Variants in ZNF619 observed in about 807,000 individuals in gnomAD.
ZNF619 encodes the protein zinc finger protein 619.
Under a neutral mutation model 14.2 loss-of-function variants are expected in ZNF619, and 9 were observed. The ratio of observed to expected loss-of-function variants is 0.64; its 90% confidence interval spans 0.38 to 1.11. The LOEUF is 1.11. Ranked by LOEUF, ZNF619 falls within the 50% of genes least tolerant of loss-of-function variation. ZNF619 has a pLI of 0.01. For missense variants in ZNF619, 659 were observed against 680.1 expected (o/e 0.97, Z 0.34); for synonymous variants, 246 against 252.8 (o/e 0.97, Z 0.26).
intron 4 of ZNF619, chr3:40,483,595 A>G (rs1167479699): frequency 1.1e-5 from 5 of 443,148 alleles, no homozygotes; most frequent in Middle Eastern, 7.1e-4. Flanking sequence ...CTGGCCAAGC[A>G]CTTGGTTTTT....
chr3:40,486,761 C>T (rs767213666), intron 4 of ZNF619, 45 bp from the exon 5 acceptor site: 53 of 1,456,668 alleles, frequency 3.6e-5, no homozygotes, highest in Non-Finnish European at 8.4e-6. Flanking sequence ...CTTTTCCCTT[C>T]TGGAATAAAT....
rs755511035 is a variant in ZNF619, at chr3:40,487,625, A to T, written c.1115A>T (p.Tyr372Phe). 17 of 1,614,074 alleles carry T rather than the reference A, an allele frequency of 1.1e-5. No individual in the cohort carries two copies. In the East Asian group the frequency reaches 3.6e-4, roughly 34 times the overall value. Reference protein sequence around the residue: ...HQRIHTGEKPYECKECGKAFH... With the variant: ...HQRIHTGEKPFECKECGKAFH... ...AGAATCCACACTGGGGAGAAACCTTATGAATGTAAAGAGTGTGGCAAGGCC... is the reference window on the plus strand; with the variant it reads ...AGAATCCACACTGGGGAGAAACCTTTTGAATGTAAAGAGTGTGGCAAGGCC... Residue 372 changes from tyrosine to phenylalanine, a missense_variant, in exon 5 of 5, where the codon TAT becomes TTT. Transcript: ENST00000432264.
chr3:40,480,525 G>T (rs1697351506), intron 2 of ZNF619, among the ~76,000 whole-genome samples: 1 of 147,392 alleles, frequency 6.8e-6, no homozygotes, highest in African/African-American at 2.5e-5. Context: ...TTGAGACGGA[G>T]TCTTGCTCTG....
At chr3:40,481,795 A>G in intron 2 of ZNF619, 68 bp from the exon 3 acceptor site, 2 of 1,542,434 alleles carry the variant, frequency 1.3e-6, no homozygotes, top group South Asian at 1.3e-5. Flanking sequence ...CATGGGGCTC[A>G]GTGCCATGGA....
rs149597093 is a variant in ZNF619 at position 40,482,278 on chromosome 3, T to C, written c.178+262T>C. The C allele has an allele frequency of 2.6e-6, 4 of 1,551,908 alleles. No individual in the cohort carries two copies. The African/African-American group carries it at 5.5e-5, about 21-fold the overall frequency. On this transcript the variant is annotated intron_variant, in intron 3 of 4. Coordinates refer to ENST00000432264, the MANE Select transcript of ZNF619 (RefSeq NM_001145093.4). ...CTGGATACAGAGAGAACTGAGAAGGTTCCTGGTGCACTGTCTTCATTCCTT... is the reference window on the plus strand; with the variant it reads ...CTGGATACAGAGAGAACTGAGAAGGCTCCTGGTGCACTGTCTTCATTCCTT...
In ZNF619 at chr3:40,488,219, A is replaced by T; in HGVS notation, c.1709A>T (p.Asn570Ile). 6.3e-7 allele frequency: 1 copy of T among 1,585,812 alleles called. No individual in the cohort carries two copies. Among genetic ancestry groups the T allele is most frequent in the Non-Finnish European group, 8.6e-7 (1 of 1,159,680 alleles). ...GGGAAGTCATCCCTTCAGAGCCCGA[A>T]TCCTTTGTCTCACTCCCTGTAAGCC... ...FPGKSSLQSP[N>I]PLSHSL Residue 570 changes from asparagine to isoleucine, a missense_variant, in exon 5 of 5, where the codon AAT becomes ATT. Physicochemically the swap from Asn to Ile is moderately radical, Grantham distance 149. Transcript: ENST00000432264.
chr3:40,483,705 C>T (rs1434044391), intron 4 of ZNF619: 6 of 442,294 alleles, frequency 1.4e-5, no homozygotes, highest in Admixed American at 2.4e-5. Context: ...CTTCACTCAC[C>T]GCAACCTCTG....
rs1319730644 is a variant in ZNF619, at chr3:40,486,934, A to G, written c.424A>G (p.Arg142Gly). Residue 142 changes from arginine (R) to glycine (G), a missense_variant, in exon 5 of 5, where the codon AGG (arginine) becomes GGG (glycine). Coordinates refer to ENST00000432264, the MANE Select transcript of ZNF619 (RefSeq NM_001145093.4). ...DVPQHPDFKD[R>G]LEKSQLHDTG... ...TCCCCAGCACCCTGACTTCAAGGAC[A>G]GGTTAGAGAAGTCACAGCTACATGA... 9 of 1,614,210 alleles carry G rather than the reference A, an allele frequency of 5.6e-6. No homozygotes were observed. Among genetic ancestry groups the G allele is most frequent in the Non-Finnish European group, 6.8e-6 (8 of 1,180,042 alleles).
intron 2 of ZNF619, among the ~76,000 whole-genome samples, chr3:40,478,679 A>G (rs1575261063): frequency 6.6e-6 from 1 of 150,794 alleles, no homozygotes; most frequent in African/African-American, 2.4e-5. Flanking sequence ...TTTTCCCTCC[A>G]GTTTTCTTGG....
Position 40,487,084 on chromosome 3 carries a change from A to T in ZNF619, c.574A>T (p.Ile192Phe), listed in dbSNP as rs1232135396. Reference protein sequence around the residue: ...LEESSVSTHLITKQGFAKEQV... With the variant: ...LEESSVSTHLFTKQGFAKEQV... Reference sequence around the variant, plus strand: ...AGAAAGTAGTGTCAGCACACATCTCATTACAAAGCAGGGTTTTGCCAAAGA... The same window carrying T: ...AGAAAGTAGTGTCAGCACACATCTCTTTACAAAGCAGGGTTTTGCCAAAGA... Residue 192 changes from isoleucine (I) to phenylalanine (F), a missense_variant, in exon 5 of 5, where the codon ATT (isoleucine) becomes TTT (phenylalanine). Ile to Phe is a conservative substitution (Grantham distance 21). Coordinates refer to ENST00000432264, the MANE Select transcript of ZNF619 (RefSeq NM_001145093.4). 6.2e-7 allele frequency: 1 copy of T among 1,612,500 alleles called. No homozygotes were observed. The highest frequency in any genetic ancestry group is 8.5e-7 in the Non-Finnish European group (1 of 1,178,584).
At chr3:40,484,673 T>G (rs1237970306) in intron 4 of ZNF619, among the ~76,000 whole-genome samples, 1 of 152,238 alleles carries the variant, frequency 6.6e-6, no homozygotes, top group Non-Finnish European at 1.5e-5. Context: ...CATGAACACC[T>G]GAAGTGTGTC....
At position 40,489,466 on chromosome 3, in the gene ZNF619, T is replaced by A. The variant is rs1286219757; in HGVS notation, c.*1225T>A. 6.6e-6 allele frequency: 1 copy of A among 152,502 alleles called. No homozygotes were observed. Among genetic ancestry groups the A allele is most frequent in the Non-Finnish European group, 1.5e-5 (1 of 68,638 alleles). The allele number at this position is 152,502 out of a possible 1,614,324, so 9.4% of individuals were successfully genotyped here. On this transcript the variant is annotated 3_prime_UTR_variant, in exon 5 of 5. Coordinates refer to ENST00000432264, the MANE Select transcript of ZNF619 (RefSeq NM_001145093.4). ...TTTTGCCATGTTGCCCAGGCTGGTC[T>A]CAAAACTCCTGGACTCAAATGATCC...
intron 1 of ZNF619, 107 bp from the exon 2 acceptor site, chr3:40,477,811 A>G: frequency 1.6e-6 from 1 of 631,314 alleles, no homozygotes; most frequent in Non-Finnish European, 2.9e-6. Context: ...GAATGACAGC[A>G]GCTAGTGTGC....
Position 40,490,624 on chromosome 3 carries a change from C to A in ZNF619, c.*2383C>A, listed in dbSNP as rs536256277. Reference sequence around the variant, plus strand: ...CTTCTCAGCCTGCTTAACAAAATGACAAGGATACAGACCTTTATGATGATC... The same window carrying A: ...CTTCTCAGCCTGCTTAACAAAATGAAAAGGATACAGACCTTTATGATGATC... On this transcript the variant is annotated 3_prime_UTR_variant, in exon 5 of 5. Transcript: ENST00000432264. Among the ~76,000 whole-genome samples the A allele has an allele frequency of 1.4e-4, 22 of 152,058 alleles. No individual in the cohort carries two copies. Among genetic ancestry groups the A allele is most frequent in the Non-Finnish European group, 2.9e-4 (20 of 68,022 alleles).
chr3:40,478,219 G>C (rs1292724967), intron 2 of ZNF619, among the ~76,000 whole-genome samples: 1 of 152,118 alleles, frequency 6.6e-6, no homozygotes, highest in Non-Finnish European at 1.5e-5. Context: ...CTAGAAAGTG[G>C]GAATCTGCAT....
intron 2 of ZNF619, among the ~76,000 whole-genome samples, chr3:40,479,511 ATAACT>A (rs1332235726): frequency 6.6e-6 from 1 of 152,208 alleles, no homozygotes; most frequent in Non-Finnish European, 1.5e-5. Context: ...GTTACAGATA[ATAACT>A]TAATGCCATT....
chr3:40,480,421 A>T (rs1170602694), intron 2 of ZNF619, among the ~76,000 whole-genome samples: 1 of 152,084 alleles, frequency 6.6e-6, no homozygotes, highest in Non-Finnish European at 1.5e-5. Context: ...TCTGCTTCTC[A>T]TCAAAATTTC....
chr3:40,481,996 A>T lies in ZNF619; in HGVS notation c.158A>T (p.Tyr53Phe). 5 of 1,601,952 alleles carry T rather than the reference A, an allele frequency of 3.1e-6. No homozygotes were observed. Among genetic ancestry groups the T allele is most frequent in the Non-Finnish European group, 4.3e-6 (5 of 1,175,948 alleles). The change falls in exon 3 of 5, where the codon TAT becomes TTT. Residue 53 changes from tyrosine (Y) to phenylalanine (F), a missense_variant. Coordinates refer to ENST00000432264, the MANE Select transcript of ZNF619 (RefSeq NM_001145093.4). ...TACAGGGAGGTGATGCTGGAGAATTATGCAAATGTGACTTCCTTGTGTAAG... is the reference window on the plus strand; with the variant it reads ...TACAGGGAGGTGATGCTGGAGAATTTTGCAAATGTGACTTCCTTGTGTAAG... ...ALYREVMLEN[Y>F]ANVTSLSAFP...
At position 40,487,970 on chromosome 3, in the gene ZNF619, C is replaced by T; in HGVS notation, c.1460C>T (p.Thr487Ile). 1 of 1,614,226 alleles carries T rather than the reference C, an allele frequency of 6.2e-7. No individual in the cohort carries two copies. The highest frequency in any genetic ancestry group is 2.2e-5 in the East Asian group (1 of 44,886). ...WHTRKKLING[T>I]GLSAVKPYCP... ...ACTAGGAAGAAACTCATCAATGGAA[C>T]AGGGCTATCCGCAGTTAAGCCCTAC... The change falls in exon 5 of 5, where the codon ACA (threonine) becomes ATA (isoleucine). Residue 487 changes from threonine to isoleucine, a missense_variant. By Grantham distance (89) the Thr-to-Ile change is moderately conservative (BLOSUM62 -1). Transcript: ENST00000432264.
Sources: allele counts gnomAD v4.1 joint callset (sites outside exome capture counted in the v4.1 genomes callset), GRCh38; gene constraint gnomAD v4.1.1; transcripts MANE v1.5; gene names NCBI Gene and HGNC (gene_info 2026-07-23, HGNC 2026-07-21).